TRAPPC9: variants seen among roughly 807,000 people sequenced by gnomAD.
The protein encoded by TRAPPC9 is trafficking protein particle complex subunit 9.
In TRAPPC9, 83 loss-of-function variants were observed where a neutral mutation model predicts 124.0. The ratio of observed to expected loss-of-function variants is 0.67; its 90% CI spans 0.56 to 0.80. The LOEUF (loss-of-function observed/expected upper bound fraction) is 0.80. Ranked by LOEUF, TRAPPC9 falls within the 30% of genes least tolerant of loss-of-function variation. The pLI is 0.00. For synonymous variants in TRAPPC9, 638 were observed against 617.5 expected (o/e 1.03, Z -0.49); for missense variants, 1,302 against 1,508.3 (o/e 0.86, Z 2.27).
chr8:140,193,015 G>T (rs547081632), intron 17 of TRAPPC9, among the ~76,000 whole-genome samples: 1 of 152,088 alleles, frequency 6.6e-6, no homozygotes, highest in Non-Finnish European at 1.5e-5. Flanking sequence ...CAAGTGATCC[G>T]CCCGCCTCGG....
At chr8:139,942,125 C>A (rs935339005) in intron 19 of TRAPPC9, among the ~76,000 whole-genome samples, 3 of 152,106 alleles carry the variant, frequency 2.0e-5, no homozygotes, top group Non-Finnish European at 4.4e-5. Flanking sequence ...ACTGGGCTGA[C>A]GGATATGAGA....
In TRAPPC9 at chr8:140,104,443, G is replaced by A. The variant is rs1033425256; in HGVS notation, c.2557-80364C>T. On this transcript the variant is annotated intron_variant, in intron 17 of 22. Transcript: ENST00000438773. The surrounding 1 kb of genome is among the most constrained non-coding windows in gnomAD (Gnocchi z 4.0). ...CGATCTCTGAGATACTCACAGGCCC[G>A]TGCGATAGTTGGATATCTAAGTGGG... 6.6e-6 allele frequency among the ~76,000 whole-genome samples: 1 copy of A among 152,150 alleles called. No homozygotes were observed. The highest frequency in any genetic ancestry group is 1.5e-5 in the Non-Finnish European group (1 of 68,032).
chr8:140,256,032 A>C (rs2064247176), intron 15 of TRAPPC9, among the ~76,000 whole-genome samples: 1 of 152,244 alleles, frequency 6.6e-6, no homozygotes, highest in Non-Finnish European at 1.5e-5. Flanking sequence ...AAAGAAAGTG[A>C]ATCATATCCA....
Position 139,766,385 on chromosome 8 carries a change from G to A in TRAPPC9, c.3056-34183C>T, listed in dbSNP as rs578122809. Among the ~76,000 whole-genome samples, 3 of 152,310 alleles carry A rather than the reference G, an allele frequency of 2.0e-5. No homozygotes were observed. In the South Asian group the frequency reaches 6.2e-4, roughly 32 times the overall value. On this transcript the variant is annotated intron_variant, in intron 21 of 22. Coordinates refer to ENST00000438773, the MANE Select transcript of TRAPPC9 (RefSeq NM_001160372.4). Reference sequence around the variant, plus strand: ...CAGTAATGCCCCCAGGCTGGGCCTGGCCTCCCTGTGCCCATCATGATCCTC... The same window carrying A: ...CAGTAATGCCCCCAGGCTGGGCCTGACCTCCCTGTGCCCATCATGATCCTC...
At position 140,300,599 on chromosome 8, in the gene TRAPPC9, C is replaced by G. The variant is rs1296313214; in HGVS notation, c.1638G>C (p.Leu546Phe). 1 of 1,614,058 alleles carries G rather than the reference C, an allele frequency of 6.2e-7. No homozygotes were observed. Among genetic ancestry groups the G allele is most frequent in the East Asian group, 2.2e-5 (1 of 44,898 alleles). Residue 546 changes from leucine (L) to phenylalanine (F), a missense_variant, in exon 11 of 23, where the codon TTG (leucine) becomes TTC (phenylalanine). By Grantham distance (22) the Leu-to-Phe change is conservative. This residue lies in a region of TRAPPC9 where 657 missense variants were observed against 811.2 expected (regional missense o/e 0.81). Coordinates refer to ENST00000438773, the MANE Select transcript of TRAPPC9 (RefSeq NM_001160372.4). ...GTGGCCGGAGGCTAGCAGGAAGGTTCAATAGTTTCACATGCCTGTTGTTTC... is the reference window on the plus strand; with the variant it reads ...GTGGCCGGAGGCTAGCAGGAAGGTTGAATAGTTTCACATGCCTGTTGTTTC... Reference protein sequence around the residue: ...KLPIVRHVKLLNLPASLRPHK... With the variant: ...KLPIVRHVKLFNLPASLRPHK...
intron 19 of TRAPPC9, chr8:139,932,631 G>A (rs568086553): frequency 2.4e-6 from 1 of 415,146 alleles, no homozygotes; most frequent in Admixed American, 2.5e-5. Context: ...AGGTGTGTTG[G>A]CACATGCCTG....
At chr8:139,890,001 G>A (rs57220681) in intron 20 of TRAPPC9, among the ~76,000 whole-genome samples, 3 of 152,232 alleles carry the variant, frequency 2.0e-5, no homozygotes, top group East Asian at 1.9e-4. Context: ...GCTGGGGATC[G>A]GGGTCCTGCC....
intron 19 of TRAPPC9, among the ~76,000 whole-genome samples, chr8:139,964,244 A>AAAAAT (rs59677763): frequency 9.4e-5 from 13 of 138,028 alleles, no homozygotes; most frequent in South Asian, 2.3e-4. Context: ...AAAAAAAAAA[A>AAAAAT]AGCGGGGGAG....
intron 20 of TRAPPC9, among the ~76,000 whole-genome samples, chr8:139,890,424 C>T (rs997231948): frequency 2.0e-5 from 3 of 152,246 alleles, no homozygotes; most frequent in Non-Finnish European, 4.4e-5. Flanking sequence ...ACACCATGTC[C>T]GCCTGCCCAG....
intron 17 of TRAPPC9, among the ~76,000 whole-genome samples, chr8:140,185,688 C>T (rs913849792): frequency 2.0e-5 from 3 of 152,184 alleles, no homozygotes; most frequent in Admixed American, 6.5e-5. Flanking sequence ...CCTCCACCAG[C>T]GAGGGGCGGG....
At chr8:140,033,673 T>TTTTTG (rs1456187769) in intron 17 of TRAPPC9, among the ~76,000 whole-genome samples, 2,787 of 76,616 alleles carry the variant, frequency 0.036, 134 homozygotes, top group Non-Finnish European at 0.058. Flanking sequence ...TTTTTTTTTT[T>TTTTTG]TTTTTTTTTT....
intron 10 of TRAPPC9, among the ~76,000 whole-genome samples, chr8:140,302,208 G>T (rs1385510174): frequency 2.0e-5 from 3 of 152,104 alleles, no homozygotes; most frequent in Non-Finnish European, 1.5e-5. Context: ...CCTGCCACAT[G>T]CGTGGTTCTC....
chr8:140,423,645 C>T (rs563411958), intron 5 of TRAPPC9, among the ~76,000 whole-genome samples: 1 of 147,780 alleles, frequency 6.8e-6, no homozygotes, highest in Non-Finnish European at 1.5e-5. Flanking sequence ...ACATATATAA[C>T]ACATATACAT....
chr8:140,151,289 T>G (rs1228055754), intron 17 of TRAPPC9, among the ~76,000 whole-genome samples: 2 of 152,178 alleles, frequency 1.3e-5, no homozygotes, highest in African/African-American at 4.8e-5. Flanking sequence ...GGCCTGGGGT[T>G]CCGTCCCATG....
At chr8:140,189,741 T>C (rs1340258978) in intron 17 of TRAPPC9, among the ~76,000 whole-genome samples, 3 of 151,916 alleles carry the variant, frequency 2.0e-5, no homozygotes, top group Non-Finnish European at 4.4e-5. Context: ...AGGAAAAAAA[T>C]AAGCACAAAT....
At chr8:140,047,675 C>T (rs1841702882) in intron 17 of TRAPPC9, among the ~76,000 whole-genome samples, 1 of 152,198 alleles carries the variant, frequency 6.6e-6, no homozygotes, top group South Asian at 2.1e-4. Context: ...TGGAGAACAA[C>T]AGCAACAACA....
At chr8:140,197,724 A>C (rs1241621085) in intron 17 of TRAPPC9, among the ~76,000 whole-genome samples, 1 of 152,170 alleles carries the variant, frequency 6.6e-6, no homozygotes, top group Non-Finnish European at 1.5e-5. Flanking sequence ...ATATCTCTTC[A>C]AAAGCACAGA....
chr8:139,952,815 C>T (rs887723372), intron 19 of TRAPPC9, among the ~76,000 whole-genome samples: 1 of 152,224 alleles, frequency 6.6e-6, no homozygotes, highest in Non-Finnish European at 1.5e-5. Context: ...AGGCACTGTG[C>T]TAAGCACATC....
chr8:140,195,562 A>G (rs1346721214), intron 17 of TRAPPC9, among the ~76,000 whole-genome samples: 1 of 151,764 alleles, frequency 6.6e-6, no homozygotes, highest in African/African-American at 2.4e-5. Flanking sequence ...ACTAAAACAC[A>G]CTCAACTATC....
Sources: gnomAD v4.1 joint callset for allele counts (sites outside exome capture counted in the v4.1 genomes callset) on GRCh38, gnomAD v4.1.1 for gene constraint, gnomAD v4.1.1 regional missense constraint, Gnocchi (gnomAD v3.1) non-coding constraint, MANE v1.5 for transcripts, NCBI Gene and HGNC (gene_info 2026-07-23, HGNC 2026-07-21) for gene names.